The following IL1RAPL1 variants were observed in gnomAD, a reference collection of about 807,000 sequenced individuals.
IL1RAPL1 encodes interleukin 1 receptor accessory protein like 1, also known as interleukin-1 receptor accessory protein-like 1.
In IL1RAPL1, 3 loss-of-function variants were observed where a neutral mutation model predicts 48.4. The ratio of observed to expected loss-of-function variants is 0.06; its 90% confidence interval spans 0.03 to 0.16. IL1RAPL1 has a LOEUF of 0.16. IL1RAPL1 is among the 10% of genes least tolerant of loss of function. The probability of loss-of-function intolerance (pLI) is 1.00; values close to 1 mark genes in which losing one functional copy is unlikely to be tolerated. For missense variants in IL1RAPL1, 349 were observed against 530.6 expected (o/e 0.66, Z 3.36); for synonymous variants, 185 against 187.7 (o/e 0.99, Z 0.12).
chrX:28,624,472 A>T (rs934895268), intron 1 of IL1RAPL1, among the ~76,000 whole-genome samples: 6 of 111,913 alleles, frequency 5.4e-5, no homozygotes, highest in Non-Finnish European at 1.1e-4. Flanking sequence ...CCGACTAGAC[A>T]CACGTACACA....
intron 2 of IL1RAPL1, among the ~76,000 whole-genome samples, chrX:28,806,440 A>G (rs1261871683): frequency 2.7e-5 from 3 of 111,414 alleles, no homozygotes; most frequent in Non-Finnish European, 1.9e-5. Flanking sequence ...GTACATATGA[A>G]GGTCATTCCA....
At chrX:29,060,618 G>A (rs1472554459) in intron 2 of IL1RAPL1, among the ~76,000 whole-genome samples, 1 of 111,322 alleles carries the variant, frequency 9.0e-6, no homozygotes, top group East Asian at 2.8e-4. Flanking sequence ...CTAGCGAGCT[G>A]TAGTCACATC....
chrX:29,087,545 A>C (rs1927981477), intron 2 of IL1RAPL1, among the ~76,000 whole-genome samples: 1 of 111,934 alleles, frequency 8.9e-6, no homozygotes, highest in African/African-American at 3.2e-5. Flanking sequence ...GAATATGAAT[A>C]AATACCATAT....
At chrX:29,089,794 A>T (rs1928047725) in intron 2 of IL1RAPL1, among the ~76,000 whole-genome samples, 2 of 77,871 alleles carry the variant, frequency 2.6e-5, no homozygotes, top group Non-Finnish European at 5.0e-5. Context: ...ATATGTGCAT[A>T]CACAGACACA....
intron 1 of IL1RAPL1, among the ~76,000 whole-genome samples, chrX:28,741,303 C>T (rs189292262): frequency 9.8e-5 from 11 of 111,679 alleles, no homozygotes; most frequent in Non-Finnish European, 1.9e-4. Context: ...TGATGTTGAG[C>T]ATTTTTTCAT....
intron 2 of IL1RAPL1, among the ~76,000 whole-genome samples, chrX:29,019,479 G>A (rs990522776): frequency 5.4e-5 from 6 of 111,171 alleles, no homozygotes; most frequent in Non-Finnish European, 1.1e-4. Context: ...ACAATAGAGC[G>A]AGATGGAGGT....
intron 5 of IL1RAPL1, among the ~76,000 whole-genome samples, chrX:29,661,946 A>G (rs778740464): frequency 4.4e-4 from 49 of 111,200 alleles, no homozygotes; most frequent in African/African-American, 1.6e-3. Context: ...TCCTGCCTCC[A>G]TTCTGCCTCT....
In IL1RAPL1 at chrX:29,186,208, C is replaced by T. The variant is rs143164008; in HGVS notation, c.83-96730C>T. On this transcript the variant is annotated intron_variant, in intron 2 of 10. Coordinates refer to ENST00000378993, the MANE Select transcript of IL1RAPL1 (RefSeq NM_014271.4). ...ATGATGATCATACCAATTTTTTAAA[C>T]AGCTAGATACATGCAGCAGAGTTGA... is the stretch of plus-strand genomic sequence containing the variant. Among the ~76,000 whole-genome samples the T allele has an allele frequency of 5.0e-3, 560 of 111,769 alleles. 5 individuals carry two copies. Among genetic ancestry groups the T allele is most frequent in the African/African-American group, 0.017 (522 of 30,856 alleles).
At chrX:28,919,743 A>G (rs1238014371) in intron 2 of IL1RAPL1, among the ~76,000 whole-genome samples, 2 of 112,179 alleles carry the variant, frequency 1.8e-5, no homozygotes, top group Non-Finnish European at 3.8e-5. Context: ...AATAATATAA[A>G]TAAAAAATGA....
chrX:29,504,110 C>T (rs188276316), intron 5 of IL1RAPL1, among the ~76,000 whole-genome samples: 4 of 109,876 alleles, frequency 3.6e-5, no homozygotes, highest in East Asian at 2.9e-4. Context: ...ACAGGCACCC[C>T]GAGCCTGAAT....
At chrX:29,401,014 T>A (rs1933986457) in intron 5 of IL1RAPL1, among the ~76,000 whole-genome samples, 1 of 111,684 alleles carries the variant, frequency 9.0e-6, no homozygotes, top group Non-Finnish European at 1.9e-5. Flanking sequence ...CACAGTATCA[T>A]GGATACTGAA....
intron 6 of IL1RAPL1, among the ~76,000 whole-genome samples, chrX:29,837,531 A>G (rs1187188787): frequency 9.0e-6 from 1 of 110,669 alleles, no homozygotes; most frequent in Non-Finnish European, 1.9e-5. Flanking sequence ...GAAAGTAAGA[A>G]GACATTAGTT....
chrX:29,519,978 G>A (rs1935486935), intron 5 of IL1RAPL1, among the ~76,000 whole-genome samples: 1 of 111,786 alleles, frequency 8.9e-6, no homozygotes. Flanking sequence ...TGAATTGTCT[G>A]AACCTAAGTC....
intron 6 of IL1RAPL1, among the ~76,000 whole-genome samples, chrX:29,910,623 TTA>T (rs1351589309): frequency 8.9e-6 from 1 of 112,036 alleles, no homozygotes; most frequent in African/African-American, 3.2e-5. Flanking sequence ...TATAAATTCA[TTA>T]TAGTGTTTAT....
At chrX:28,858,008 G>T (rs911855467) in intron 2 of IL1RAPL1, among the ~76,000 whole-genome samples, 10 of 111,816 alleles carry the variant, frequency 8.9e-5, no homozygotes, top group Non-Finnish European at 1.9e-4. Flanking sequence ...TCAGGAGTTT[G>T]GAAGAAGTTG....
At chrX:28,710,141 G>C (rs897484518) in intron 1 of IL1RAPL1, among the ~76,000 whole-genome samples, 1 of 110,947 alleles carries the variant, frequency 9.0e-6, no homozygotes, top group African/African-American at 3.3e-5. Flanking sequence ...CTCACTATGG[G>C]CTGGGCACTG....
chrX:29,676,689 G>T (rs1031890123), intron 6 of IL1RAPL1, among the ~76,000 whole-genome samples: 9 of 111,143 alleles, frequency 8.1e-5, no homozygotes, highest in Non-Finnish European at 1.5e-4. Context: ...AAAAATAAGA[G>T]TAAAAAAATT....
chrX:29,582,083 A>G (rs781696410), intron 5 of IL1RAPL1, among the ~76,000 whole-genome samples: 1 of 111,605 alleles, frequency 9.0e-6, no homozygotes, highest in East Asian at 2.9e-4. Flanking sequence ...AAGGTATTCC[A>G]GTATTTTTAG....
chrX:28,731,074 ATGATATCCC>A (rs1368827060), intron 1 of IL1RAPL1, among the ~76,000 whole-genome samples: 1 of 111,923 alleles, frequency 8.9e-6, no homozygotes, highest in Non-Finnish European at 1.9e-5. Context: ...TGATGTAATA[ATGATATCCC>A]TATATTAAGA....
Sources: allele counts gnomAD v4.1 joint callset (sites outside exome capture counted in the v4.1 genomes callset), GRCh38; gene constraint gnomAD v4.1.1; transcripts MANE v1.5; gene names NCBI Gene and HGNC (gene_info 2026-07-23, HGNC 2026-07-21).